SNRPN: variants seen among roughly 807,000 people sequenced by gnomAD.
The protein encoded by SNRPN is small nuclear ribonucleoprotein-associated protein N.
Under a neutral mutation model 25.2 loss-of-function variants are expected in SNRPN, and 7 were observed. The ratio of observed to expected loss-of-function variants is 0.28; its 90% confidence interval spans 0.16 to 0.52. The LOEUF (loss-of-function observed/expected upper bound fraction) is 0.52. Ranked by LOEUF, SNRPN falls within the 20% of genes least tolerant of loss-of-function variation. The pLI, the probability that SNRPN is intolerant of heterozygous loss-of-function variation, is 0.96. For synonymous variants in SNRPN, 124 were observed against 110.6 expected (o/e 1.12, Z -0.76); for missense variants, 196 against 322.5 (o/e 0.61, Z 3.00).
intron 2 of SNRPN, chr15:24,848,222 G>GGGC (rs1472306614): frequency 1.4e-5 from 2 of 138,212 alleles, no homozygotes; most frequent in Non-Finnish European, 3.1e-5. Flanking sequence ...TGGGGGGCGG[G>GGGC]GGCGGCGGTG....
At chr15:24,873,981 G>C (rs1487141833) in intron 1 of SNRPN, among the ~76,000 whole-genome samples, 5 of 138,510 alleles carry the variant, frequency 3.6e-5, no homozygotes, top group Non-Finnish European at 7.7e-5. Flanking sequence ...CACTCCATGA[G>C]AAAAAAACAA....
intron 2 of SNRPN, among the ~76,000 whole-genome samples, chr15:24,840,654 T>A (rs919249993): frequency 6.6e-6 from 1 of 152,212 alleles, no homozygotes; most frequent in Admixed American, 6.5e-5. Flanking sequence ...CCATGTGAGA[T>A]GCATGTTGTC....
At chr15:24,884,130 G>A (rs2056980526) in intron 1 of SNRPN, among the ~76,000 whole-genome samples, 1 of 131,962 alleles carries the variant, frequency 7.6e-6, no homozygotes, top group Non-Finnish European at 1.5e-5. Context: ...TGGGCAACAT[G>A]GCATAACCCT....
At chr15:24,854,080 T>G (rs1005441366), upstream of SNRPN, among the ~76,000 whole-genome samples, 1 of 149,682 alleles carries the variant, frequency 6.7e-6, no homozygotes, top group African/African-American at 2.5e-5. Flanking sequence ...TACTAGTTTA[T>G]TTTGTTGTTC....
intron 2 of SNRPN, among the ~76,000 whole-genome samples, chr15:24,836,669 T>G (rs1275883869): frequency 2.6e-5 from 4 of 152,080 alleles, no homozygotes; most frequent in Non-Finnish European, 5.9e-5. Context: ...CTGCTCGGCC[T>G]CCCAGAGTGC....
chr15:24,897,403 C>T (rs139954327), intron 2 of SNRPN, among the ~76,000 whole-genome samples: 2 of 152,264 alleles, frequency 1.3e-5, no homozygotes, highest in Non-Finnish European at 2.9e-5. Flanking sequence ...GCCTGAGCAA[C>T]GTAGCAAGAC....
At chr15:24,828,708 T>C (rs996644656) in intron 1 of SNRPN, among the ~76,000 whole-genome samples, 4 of 152,094 alleles carry the variant, frequency 2.6e-5, no homozygotes, top group Non-Finnish European at 1.5e-5. Context: ...CTGAGAAATA[T>C]AGCTAGGCTC....
rs1412486972 is a variant in SNRPN, at chr15:24,943,399, T to C, written c.-390-18715T>C. Among the ~76,000 whole-genome samples, 8 of 152,172 alleles carry C rather than the reference T, an allele frequency of 5.3e-5. No homozygotes were observed. In the South Asian group the frequency reaches 1.5e-3, roughly 28 times the overall value. ...GTCTTCTCTTTTTCCATCATCTGATTGAAGGGAACCCCCCATGAGCCATAG... is the reference window on the plus strand; with the variant it reads ...GTCTTCTCTTTTTCCATCATCTGATCGAAGGGAACCCCCCATGAGCCATAG... On this transcript the variant is annotated intron_variant, in intron 3 of 11. Transcript: ENST00000400097.
At chr15:24,973,763 A>T (rs773502212) in intron 3 of SNRPN, among the ~76,000 whole-genome samples, 1 of 151,772 alleles carries the variant, frequency 6.6e-6, no homozygotes, top group Non-Finnish European at 1.5e-5. Flanking sequence ...ATGTGAGTCT[A>T]TATATATATA....
At chr15:24,903,001 T>A (rs1481939964) in intron 2 of SNRPN, among the ~76,000 whole-genome samples, 1 of 152,138 alleles carries the variant, frequency 6.6e-6, no homozygotes, top group Non-Finnish European at 1.5e-5. Flanking sequence ...GACTGGTCCA[T>A]TTTTACAGAG....
chr15:24,839,027 C>T (rs1194219803), intron 2 of SNRPN, among the ~76,000 whole-genome samples: 1 of 152,046 alleles, frequency 6.6e-6, no homozygotes, highest in Admixed American at 6.5e-5. Context: ...TGGAATTTCA[C>T]AGGAACAGCC....
intron 1 of SNRPN, among the ~76,000 whole-genome samples, chr15:24,863,366 C>T (rs112918467): frequency 0.029 from 4,320 of 150,494 alleles, 489 homozygotes; most frequent in African/African-American, 0.1. Flanking sequence ...AACTTTCAGT[C>T]AAGGTTGGCA....
chr15:24,838,849 AACAC>A (rs2051442388), intron 2 of SNRPN, among the ~76,000 whole-genome samples: 3 of 151,994 alleles, frequency 2.0e-5, no homozygotes, highest in Admixed American at 1.3e-4. Context: ...CCTGTCCCCC[AACAC>A]TGTGAGATCC....
At chr15:24,923,766 A>T (rs111416412) in intron 3 of SNRPN, among the ~76,000 whole-genome samples, 1 of 151,904 alleles carries the variant, frequency 6.6e-6, no homozygotes, top group African/African-American at 2.4e-5. Flanking sequence ...ACAAGTCAGG[A>T]TGGTGGTTAC....
chr15:24,828,396 C>A (rs954944898), intron 1 of SNRPN, among the ~76,000 whole-genome samples: 1 of 152,034 alleles, frequency 6.6e-6, no homozygotes, highest in Non-Finnish European at 1.5e-5. Flanking sequence ...CCCTCAATAA[C>A]GCCATGTCAT....
intron 3 of SNRPN, among the ~76,000 whole-genome samples, chr15:24,923,497 A>T (rs895154126): frequency 2.0e-5 from 3 of 152,216 alleles, no homozygotes; most frequent in Non-Finnish European, 4.4e-5. Flanking sequence ...GGAAAAGTAC[A>T]TGCACAGTTG....
At chr15:24,873,540 C>T (rs374008489) in intron 1 of SNRPN, among the ~76,000 whole-genome samples, 15 of 150,694 alleles carry the variant, frequency 1.0e-4, no homozygotes, top group African/African-American at 3.6e-4. Context: ...CTCCGCCTCC[C>T]CGGTTCACAC....
chr15:24,925,027 A>G (rs1035368227), intron 3 of SNRPN, among the ~76,000 whole-genome samples: 3 of 152,152 alleles, frequency 2.0e-5, no homozygotes, highest in African/African-American at 2.4e-5. Flanking sequence ...TCTATTAGCT[A>G]GTATAAACTC....
chr15:24,914,857 G>A (rs2059421079), intron 2 of SNRPN, among the ~76,000 whole-genome samples: 1 of 152,112 alleles, frequency 6.6e-6, no homozygotes, highest in East Asian at 1.9e-4. Context: ...CAATGGAATA[G>A]AGAGATTGCT....
Sources: gnomAD v4.1 joint callset for allele counts (sites outside exome capture counted in the v4.1 genomes callset) on GRCh38, gnomAD v4.1.1 for gene constraint, MANE v1.5 for transcripts, NCBI Gene and HGNC (gene_info 2026-07-23, HGNC 2026-07-21) for gene names.